The following ZNF283 variants were observed in gnomAD, a reference collection of about 807,000 sequenced individuals.
ZNF283 encodes zinc finger protein 283.
Under a neutral mutation model 9.2 loss-of-function variants are expected in ZNF283, and 10 were observed. The observed-to-expected ratio is 1.09, with a 90% CI of 0.67 to 1.85. ZNF283 has a LOEUF of 1.85. Ranked by LOEUF, ZNF283 falls within the 40% of genes most tolerant of loss-of-function variation. ZNF283 has a pLI of 0.00. For missense variants in ZNF283, 631 were observed against 760.1 expected, an observed-to-expected ratio of 0.83 and a Z score of 2.00; for synonymous variants, 234 against 244.1, an observed-to-expected ratio of 0.96 and a Z score of 0.38.
At chr19:43,842,814 T>C (rs1017591338) in intron 6 of ZNF283, among the ~76,000 whole-genome samples, 1 of 152,214 alleles carries the variant, frequency 6.6e-6, no homozygotes, top group Non-Finnish European at 1.5e-5. Context: ...ATAGTACTAG[T>C]AATCATCATA....
chr19:43,847,283 A>C lies in ZNF283; in HGVS notation c.682A>C (p.Thr228Pro). The change falls in exon 7 of 7, where the codon ACT becomes CCT. Residue 228 changes from threonine (T) to proline (P), a missense_variant. Physicochemically the swap from Thr to Pro is conservative, Grantham distance 38. Around this residue, in one of 3 missense-constraint regions of ZNF283, gnomAD observed 184 missense variants for 220.0 expected, o/e 0.84. Coordinates refer to ENST00000618787, the MANE Select transcript of ZNF283 (RefSeq NM_181845.2). ...HGSKLVQHER[T>P]HTAEKHFECK... ...CTCAAAACTTGTTCAACATGAGAGA[A>C]CTCATACAGCTGAAAAACACTTTGA... 6.2e-7 allele frequency: 1 copy of C among 1,613,848 alleles called. No individual in the cohort carries two copies. The highest frequency in any genetic ancestry group is 2.2e-5 in the East Asian group (1 of 44,866).
chr19:43,847,651 A>T lies in ZNF283; in HGVS notation c.1050A>T (p.Lys350Asn), dbSNP rs1412325357. The T allele has an allele frequency of 6.2e-7, 1 of 1,607,002 alleles. No homozygotes were observed. Among genetic ancestry groups the T allele is most frequent in the Non-Finnish European group, 8.5e-7 (1 of 1,174,362 alleles). Residue 350 changes from lysine (K) to asparagine (N), a missense_variant, in exon 7 of 7, where the codon AAA becomes AAT. Physicochemically the swap from Lys to Asn is moderately conservative, Grantham distance 94 (BLOSUM62 0). This residue lies in a region of ZNF283 where 444 missense variants were observed against 522.5 expected (regional missense o/e 0.85). Transcript: ENST00000618787. ...IHTGEKPYKC[K>N]ECGKAFSRGY... Reference sequence around the variant, plus strand: ...CAGGTGAGAAACCTTATAAATGTAAAGAATGTGGGAAGGCCTTCAGTCGTG... The same window carrying T: ...CAGGTGAGAAACCTTATAAATGTAATGAATGTGGGAAGGCCTTCAGTCGTG...
intron 6 of ZNF283, among the ~76,000 whole-genome samples, chr19:43,842,970 A>G (rs2146570054): frequency 6.6e-6 from 1 of 152,340 alleles, no homozygotes; most frequent in East Asian, 1.9e-4. Flanking sequence ...ATGAAATGGG[A>G]AGTATCCATT....
rs574025469 is a variant in ZNF283, at chr19:43,834,573, A to C, written c.123-932A>C. Among the ~76,000 whole-genome samples, 3 of 151,086 alleles carry C rather than the reference A, an allele frequency of 2.0e-5. No individual in the cohort carries two copies. In the East Asian group the frequency reaches 5.8e-4, roughly 29 times the overall value. On this transcript the variant is annotated intron_variant, in intron 4 of 6. Transcript: ENST00000618787. Reference sequence around the variant, plus strand: ...TGTTATTAATATATATAGATATATAATTTTATTTTTTATTTTTTATTTTAT... The same window carrying C: ...TGTTATTAATATATATAGATATATACTTTTATTTTTTATTTTTTATTTTAT...
intron 5 of ZNF283, among the ~76,000 whole-genome samples, 191 bp from the exon 6 acceptor site, chr19:43,836,862 C>G (rs1467799750): frequency 6.6e-6 from 1 of 152,196 alleles, no homozygotes; most frequent in Non-Finnish European, 1.5e-5. Context: ...TAACAAGATT[C>G]TCGTAGAACA....
chr19:43,831,254 T>A (rs1970696668), intron 2 of ZNF283, 64 bp from the exon 3 acceptor site: 1 of 1,162,002 alleles, frequency 8.6e-7, no homozygotes, highest in Admixed American at 2.0e-5. Context: ...CTGTTTTGTT[T>A]ATGCACATTT....
chr19:43,838,192 G>A (rs1186217272), intron 6 of ZNF283: 2 of 152,182 alleles, frequency 1.3e-5, no homozygotes, highest in South Asian at 4.1e-4. Context: ...ATTTTGTTGG[G>A]TGGTATGATT....
In ZNF283 at chr19:43,840,242, T is replaced by C. The variant is rs555343165; in HGVS notation, c.337+3063T>C. On this transcript the variant is annotated intron_variant, in intron 6 of 6. Coordinates refer to ENST00000618787, the MANE Select transcript of ZNF283 (RefSeq NM_181845.2). ...CTGTAAAAAGGGGAGGAAAAAAAGG[T>C]CCATTAGCCCTTTAAATCTTCCAAT... Among the ~76,000 whole-genome samples, 14 of 152,258 alleles carry C rather than the reference T, an allele frequency of 9.2e-5. No individual in the cohort carries two copies. In the South Asian group the frequency reaches 2.9e-3, roughly 32 times the overall value.
chr19:43,848,279 C>G lies in ZNF283; in HGVS notation c.1678C>G (p.Gln560Glu), dbSNP rs756589522. 6.2e-7 allele frequency: 1 copy of G among 1,613,140 alleles called. No individual in the cohort carries two copies. Among genetic ancestry groups the G allele is most frequent in the Non-Finnish European group, 8.5e-7 (1 of 1,179,774 alleles). ...TTTTAGTCGTGGCTATCACCTTACT[C>G]AACATCAGAAAATTCATACCGGTGA... ...KAFSRGYHLT[Q>E]HQKIHTGEKP... The change falls in exon 7 of 7, where the codon CAA becomes GAA. Residue 560 changes from glutamine (Q) to glutamate (E), a missense_variant. By Grantham distance (29) the Gln-to-Glu change is conservative. This residue lies in a region of ZNF283 where 444 missense variants were observed against 522.5 expected (regional missense o/e 0.85). Coordinates refer to ENST00000618787, the MANE Select transcript of ZNF283 (RefSeq NM_181845.2).
intron 2 of ZNF283, among the ~76,000 whole-genome samples, 166 bp from the exon 3 acceptor site, chr19:43,831,152 G>T (rs1970691136): frequency 6.6e-6 from 1 of 152,126 alleles, no homozygotes; most frequent in Non-Finnish European, 1.5e-5. Context: ...CATATTTCAA[G>T]AATTACATTA....
chr19:43,847,965 G>T lies in ZNF283; in HGVS notation c.1364G>T (p.Gly455Val). 1.2e-6 allele frequency: 2 copies of T among 1,613,932 alleles called. No individual in the cohort carries two copies. The highest frequency in any genetic ancestry group is 1.3e-5 in the African/African-American group (1 of 74,982). Residue 455 changes from glycine to valine, a missense_variant, in exon 7 of 7, where the codon GGT becomes GTT. Gly to Val is a moderately radical substitution (Grantham distance 109). Transcript: ENST00000618787. ...HLSQHQKIHT[G>V]EKPFECKECG... ...TCTCAACATCAGAAAATCCATACTG[G>T]TGAGAAACCTTTTGAATGTAAGGAA...
chr19:43,848,664 TTG>T lies in ZNF283; in HGVS notation c.*33_*34del. ...TGATTGAAAGTTGTAAAAGAATATT[TTG>T]TGTGTGTGTATAGACAACTTATCAT... On this transcript the variant is annotated 3_prime_UTR_variant, in exon 7 of 7. Transcript: ENST00000618787. 2 of 1,524,420 alleles carry T rather than the reference TTG, an allele frequency of 1.3e-6. No individual in the cohort carries two copies. Among genetic ancestry groups the T allele is most frequent in the Non-Finnish European group, 8.8e-7 (1 of 1,136,122 alleles). 94.4% of individuals were successfully genotyped at this position (1,524,420 alleles called of 1,614,324 possible). A position where few individuals can be genotyped will look rare whatever the true frequency, so the allele number is the denominator to read the frequency against.
chr19:43,838,352 G>A (rs62118369), intron 6 of ZNF283, among the ~76,000 whole-genome samples: 55,635 of 152,072 alleles, frequency 0.37, 10,598 homozygotes, highest in South Asian at 0.55. Context: ...ACTGGGCACA[G>A]TGGTGGCTCA....
At chr19:43,839,974 T>A (rs1001693412) in intron 6 of ZNF283, among the ~76,000 whole-genome samples, 2 of 152,162 alleles carry the variant, frequency 1.3e-5, no homozygotes, top group African/African-American at 2.4e-5. Context: ...TTTCACTGTA[T>A]GCTTTGTAAT....
At position 43,834,373 on chromosome 19, in the gene ZNF283, G is replaced by A. The variant is rs78612735; in HGVS notation, c.122+747G>A. Among the ~76,000 whole-genome samples, 2,701 of 151,548 alleles carry A rather than the reference G, an allele frequency of 0.018. 195 individuals are homozygous for A. The East Asian group carries it at 0.23, about 13-fold the overall frequency. ...TCATTTCATTAATATTATTCCATTA[G>A]TATTATTCCATTAATATATACATGG... On this transcript the variant is annotated intron_variant, in intron 4 of 6. Transcript: ENST00000618787.
Position 43,848,689 on chromosome 19 carries a change from CATA to C in ZNF283, c.*53_*55del. On this transcript the variant is annotated 3_prime_UTR_variant, in exon 7 of 7. Coordinates refer to ENST00000618787, the MANE Select transcript of ZNF283 (RefSeq NM_181845.2). ...TTGTGTGTGTGTATAGACAACTTAT[CATA>C]ATAAGAACTCTTACTCTTGAGAAAC... 6.8e-7 allele frequency: 1 copy of C among 1,474,450 alleles called. No individual in the cohort carries two copies. Among genetic ancestry groups the C allele is most frequent in the Non-Finnish European group, 9.0e-7 (1 of 1,109,074 alleles). 91.3% of individuals were successfully genotyped at this position (1,474,450 alleles called of 1,614,324 possible).
Position 43,847,243 on chromosome 19 carries a change from G to T in ZNF283, c.642G>T (p.Lys214Asn). ...EKSYVCKECG[K>N]ACSHGSKLVQ... ...CCTATGTTTGTAAGGAATGTGGGAAGGCTTGCAGTCATGGCTCAAAACTTG... is the reference window on the plus strand; with the variant it reads ...CCTATGTTTGTAAGGAATGTGGGAATGCTTGCAGTCATGGCTCAAAACTTG... The change falls in exon 7 of 7, where the codon AAG (lysine) becomes AAT (asparagine). Residue 214 changes from lysine to asparagine, a missense_variant. By Grantham distance (94) the Lys-to-Asn change is moderately conservative (BLOSUM62 0). Coordinates refer to ENST00000618787, the MANE Select transcript of ZNF283 (RefSeq NM_181845.2). 1 of 1,613,930 alleles carries T rather than the reference G, an allele frequency of 6.2e-7. No individual in the cohort carries two copies. The highest frequency in any genetic ancestry group is 8.5e-7 in the Non-Finnish European group (1 of 1,179,832).
At chr19:43,827,529 G>T (rs944673223) in intron 1 of ZNF283, 85 bp downstream of exon 1, 15 of 152,144 alleles carry the variant, frequency 9.9e-5, no homozygotes, top group Non-Finnish European at 2.1e-4. Flanking sequence ...GACTGGAACC[G>T]GCAGTGAGGG....
At chr19:43,845,133 G>A (rs1457866763) in intron 6 of ZNF283, among the ~76,000 whole-genome samples, 1 of 152,096 alleles carries the variant, frequency 6.6e-6, no homozygotes, top group Non-Finnish European at 1.5e-5. Flanking sequence ...TTAATAACAA[G>A]TAACTTATTA....
Sources: gnomAD v4.1 joint callset for allele counts (sites outside exome capture counted in the v4.1 genomes callset) on GRCh38, gnomAD v4.1.1 for gene constraint, gnomAD v4.1.1 regional missense constraint, MANE v1.5 for transcripts, NCBI Gene and HGNC (gene_info 2026-07-23, HGNC 2026-07-21) for gene names.